The following NSMCE1 variants were observed in gnomAD, a reference collection of about 807,000 sequenced individuals.
NSMCE1 encodes NSE1 component of SMC5/6 complex.
A neutral mutation model predicts 29.6 loss-of-function variants in NSMCE1; 18 were observed. That is an observed-to-expected ratio of 0.61 (90% CI 0.42 to 0.90). NSMCE1 has a LOEUF of 0.90. Ranked by LOEUF, NSMCE1 falls within the 40% of genes least tolerant of loss-of-function variation. NSMCE1 has a pLI of 0.00. For synonymous variants in NSMCE1, 124 were observed against 133.4 expected, an observed-to-expected ratio of 0.93 and a Z score of 0.49; for missense variants, 314 against 343.6, an observed-to-expected ratio of 0.91 and a Z score of 0.68.
intron 1 of NSMCE1, among the ~76,000 whole-genome samples, chr16:27,267,224 A>T (rs2084235764): frequency 6.6e-6 from 1 of 152,160 alleles, no homozygotes; most frequent in African/African-American, 2.4e-5. Flanking sequence ...AATTAAATGC[A>T]TTAATTAAAT....
intron 2 of NSMCE1, among the ~76,000 whole-genome samples, chr16:27,238,872 ATT>A (rs545512534): frequency 1.7e-4 from 23 of 138,826 alleles, no homozygotes; most frequent in Admixed American, 1.4e-4. Context: ...ATCCCGACAC[ATT>A]TTTTTTTTTT....
intron 2 of NSMCE1, among the ~76,000 whole-genome samples, chr16:27,252,823 G>T (rs915404990): frequency 1.3e-5 from 2 of 152,194 alleles, no homozygotes; most frequent in African/African-American, 4.8e-5. Flanking sequence ...GGCGGCTGAG[G>T]CAGGAGAATC....
intron 1 of NSMCE1, among the ~76,000 whole-genome samples, chr16:27,260,858 C>CAAAAA (rs55762579): frequency 6.8e-5 from 6 of 87,968 alleles, no homozygotes; most frequent in African/African-American, 1.7e-4. Context: ...GACCCTGTCT[C>CAAAAA]AAAAAAAAAA....
intron 2 of NSMCE1, among the ~76,000 whole-genome samples, chr16:27,254,901 A>G (rs1361114699): frequency 9.9e-6 from 1 of 101,040 alleles, no homozygotes; most frequent in African/African-American, 4.1e-5. Context: ...TTTTTTTGAT[A>G]CATGGTCTCG....
At position 27,237,890 on chromosome 16, in the gene NSMCE1, G is replaced by A. The variant is rs556967557; in HGVS notation, c.137-2591C>T. Among the ~76,000 whole-genome samples, 8 of 152,134 alleles carry A rather than the reference G, an allele frequency of 5.3e-5. No homozygotes were observed. The East Asian group carries it at 1.6e-3, about 29-fold the overall frequency. ...ATCTGACCAACCACTTCCTCCTACT[G>A]TACTCGCTCACTGCACACACCAGCC... On this transcript the variant is annotated intron_variant, in intron 2 of 7. Transcript: ENST00000361439.
At position 27,259,862 on chromosome 16, in the gene NSMCE1, G is replaced by A. The variant is rs115135259; in HGVS notation, c.-11-2281C>T. Among the ~76,000 whole-genome samples the A allele has an allele frequency of 9.5e-3, 1,440 of 152,274 alleles. 24 individuals carry two copies. Among genetic ancestry groups the A allele is most frequent in the African/African-American group, 0.033 (1,353 of 41,558 alleles). On this transcript the variant is annotated intron_variant, in intron 1 of 7. Coordinates refer to ENST00000361439, the MANE Select transcript of NSMCE1 (RefSeq NM_145080.4). The stretch of plus-strand genomic sequence containing the variant: ...CATCACAATGGCAACAATGGAAGCC[G>A]GTCACAGTGGAAACATATCTTCTAT...
At chr16:27,254,948 C>T (rs1014725634) in intron 2 of NSMCE1, among the ~76,000 whole-genome samples, 2 of 135,766 alleles carry the variant, frequency 1.5e-5, no homozygotes, top group African/African-American at 2.7e-5. Context: ...GGCAGGATCT[C>T]AGCTCACTGC....
intron 2 of NSMCE1, among the ~76,000 whole-genome samples, chr16:27,236,748 T>C (rs375935708): frequency 1.4e-4 from 21 of 152,220 alleles, no homozygotes; most frequent in African/African-American, 4.8e-4. Context: ...GATACATTCA[T>C]GTGTGAAACA....
intron 2 of NSMCE1, among the ~76,000 whole-genome samples, chr16:27,254,203 T>C (rs1389537135): frequency 6.6e-6 from 1 of 152,216 alleles, no homozygotes; most frequent in Non-Finnish European, 1.5e-5. Context: ...CATTTCCTGT[T>C]TAAAATCTCC....
In NSMCE1 at chr16:27,225,680, T is replaced by C. The variant is rs773095506; in HGVS notation, c.721+46A>G. 1.2e-5 allele frequency: 19 copies of C among 1,610,344 alleles called. No individual in the cohort carries two copies. In the Middle Eastern group the frequency reaches 5.4e-4, roughly 46 times the overall value. ...GGCTTCCCTGGCACCAGGCCCCACG[T>C]CCTGCTGGCCCAGCCCCTCCCATGA... On this transcript the variant is annotated intron_variant, in intron 7 of 7. Transcript: ENST00000361439.
At chr16:27,257,287 G>GA (rs967661734) in intron 2 of NSMCE1, 148 bp downstream of exon 2, 3 of 571,358 alleles carry the variant, frequency 5.3e-6, no homozygotes, top group African/African-American at 1.9e-5. Flanking sequence ...GATGAAATTA[G>GA]AAAGATGGGC....
At chr16:27,237,767 G>A (rs1164099664) in intron 2 of NSMCE1, among the ~76,000 whole-genome samples, 1 of 152,196 alleles carries the variant, frequency 6.6e-6, no homozygotes, top group Non-Finnish European at 1.5e-5. Context: ...TGCAGGGAGG[G>A]AGCCAGCAGC....
chr16:27,245,541 ATGAAG>A (rs1391504778), intron 2 of NSMCE1, among the ~76,000 whole-genome samples: 1 of 152,250 alleles, frequency 6.6e-6, no homozygotes, highest in African/African-American at 2.4e-5. Flanking sequence ...GGCTGCAGAC[ATGAAG>A]AACGGGCAGG....
chr16:27,225,635 T>C, intron 7 of NSMCE1, 91 bp downstream of exon 7: 5 of 1,519,428 alleles, frequency 3.3e-6, no homozygotes, highest in Non-Finnish European at 4.5e-6. Context: ...CCTGGAGCCC[T>C]TCAGGGCCCT....
intron 2 of NSMCE1, among the ~76,000 whole-genome samples, chr16:27,252,450 C>A (rs373253320): frequency 4.3e-4 from 66 of 152,306 alleles, no homozygotes; most frequent in Middle Eastern, 3.4e-3. Flanking sequence ...GATTATTTTT[C>A]TTAGAGTGTG....
chr16:27,254,414 TC>T (rs1375737421), intron 2 of NSMCE1, among the ~76,000 whole-genome samples: 1 of 152,126 alleles, frequency 6.6e-6, no homozygotes, highest in Non-Finnish European at 1.5e-5. Flanking sequence ...ATTTTAAAGG[TC>T]AAATAAAGGC....
intron 2 of NSMCE1, chr16:27,241,955 C>T (rs2083900214): frequency 2.7e-6 from 1 of 376,530 alleles, no homozygotes; most frequent in Non-Finnish European, 5.5e-6. Context: ...TAGCTGGATG[C>T]AATCACGAAA....
chr16:27,232,151 G>A lies in NSMCE1; in HGVS notation c.483+850C>T, dbSNP rs1322506567. Among the ~76,000 whole-genome samples, 1 of 152,170 alleles carries A rather than the reference G, an allele frequency of 6.6e-6. No homozygotes were observed. Among genetic ancestry groups the A allele is most frequent in the Non-Finnish European group, 1.5e-5 (1 of 68,026 alleles). The stretch of plus-strand genomic sequence containing the variant: ...CGGAGAATCGCTGCAGCCACAAGCA[G>A]CAGCCTCTGGCCACGAGTCCGACCA... On this transcript the variant is annotated intron_variant, in intron 5 of 7. Coordinates refer to ENST00000361439, the MANE Select transcript of NSMCE1 (RefSeq NM_145080.4). The surrounding 1 kb of genome is among the most constrained non-coding windows in gnomAD (Gnocchi z 4.5).
chr16:27,238,151 G>T lies in NSMCE1; in HGVS notation c.137-2852C>A, dbSNP rs111906617. 7.4e-3 allele frequency among the ~76,000 whole-genome samples: 1,129 copies of T among 152,296 alleles called. 7 individuals carry two copies. Among genetic ancestry groups the T allele is most frequent in the African/African-American group, 0.025 (1,053 of 41,556 alleles). ...GCAACAGAGGTGGCGTGGTGGCATG[G>T]GGCCAGAAGCAGAGGTGTGGGCTCT... On this transcript the variant is annotated intron_variant, in intron 2 of 7. Transcript: ENST00000361439.
Sources: allele counts gnomAD v4.1 joint callset (sites outside exome capture counted in the v4.1 genomes callset), GRCh38; gene constraint gnomAD v4.1.1; non-coding constraint Gnocchi (gnomAD v3.1); transcripts MANE v1.5; gene names NCBI Gene and HGNC (gene_info 2026-07-23, HGNC 2026-07-21).